Variants in SCUBE1 observed in about 807,000 individuals in gnomAD.
The protein encoded by SCUBE1 is signal peptide, CUB domain and EGF like domain containing 1, also known as signal peptide, CUB and EGF-like domain-containing protein 1.
In SCUBE1, 59 loss-of-function variants were observed where a neutral mutation model predicts 124.4. The observed-to-expected ratio is 0.47, with a 90% CI of 0.38 to 0.59. The LOEUF (loss-of-function observed/expected upper bound fraction) is 0.59. Ranked by LOEUF, SCUBE1 falls within the 20% of genes least tolerant of loss-of-function variation. SCUBE1 has a pLI of 0.00. For synonymous variants in SCUBE1, 545 were observed against 550.9 expected (o/e 0.99, Z 0.15); for missense variants, 1,150 against 1,371.2 (o/e 0.84, Z 2.55).
chr22:43,259,321 T>C (rs938415716), intron 5 of SCUBE1, among the ~76,000 whole-genome samples: 1 of 152,216 alleles, frequency 6.6e-6, no homozygotes, highest in Non-Finnish European at 1.5e-5. Flanking sequence ...TCTTGGATAC[T>C]TTAACCATCT....
At position 43,255,622 on chromosome 22, in the gene SCUBE1, C is replaced by A; in HGVS notation, c.727+2597G>T. On this transcript the variant is annotated intron_variant, in intron 6 of 21. Transcript: ENST00000360835. This position sits in a 1 kb window ranked among gnomAD's most constrained non-coding sequence, Gnocchi z 4.7. Reference sequence around the variant, plus strand: ...CAAACACGGAGCCAGTGGTTAATGACAGCCCACTTCCCGCGGCCCAAGACA... The same window carrying A: ...CAAACACGGAGCCAGTGGTTAATGAAAGCCCACTTCCCGCGGCCCAAGACA... 4 of 1,487,224 alleles carry A rather than the reference C, an allele frequency of 2.7e-6. No individual in the cohort carries two copies. Among genetic ancestry groups the A allele is most frequent in the Non-Finnish European group, 3.7e-6 (4 of 1,090,422 alleles). The allele number at this position is 1,487,224 out of a possible 1,614,324, so 92.1% of individuals were successfully genotyped here. A position where few individuals can be genotyped will look rare whatever the true frequency, so the allele number is the denominator to read the frequency against.
Position 43,343,163 on chromosome 22 carries a change from C to CG in SCUBE1, c.88+10dup. ...CGCGCCCGCCGCCCCCCACCTCGGT[C>CG]GGGGGCTTACCTGGGAGCCCGCTGC... On this transcript the variant is annotated intron_variant, in intron 1 of 21. Transcript: ENST00000360835. 8.7e-7 allele frequency: 1 copy of CG among 1,155,256 alleles called. No homozygotes were observed. Among genetic ancestry groups the CG allele is most frequent in the Non-Finnish European group, 1.1e-6 (1 of 940,360 alleles). The allele number at this position is 1,155,256 out of a possible 1,614,324, so 71.6% of individuals were successfully genotyped here.
At chr22:43,285,839 G>A (rs144561194) in intron 4 of SCUBE1, among the ~76,000 whole-genome samples, 92 of 152,362 alleles carry the variant, frequency 6.0e-4, no homozygotes, top group African/African-American at 2.2e-3. Context: ...GAGCTCAGCC[G>A]ATGAATGAGG....
intron 15 of SCUBE1, among the ~76,000 whole-genome samples, chr22:43,216,693 C>T (rs1921825533): frequency 6.6e-6 from 1 of 151,896 alleles, no homozygotes; most frequent in Non-Finnish European, 1.5e-5. Flanking sequence ...TAGAAGATGA[C>T]ATCACCAAGC....
At chr22:43,227,792 A>G (rs550439647) in intron 9 of SCUBE1, among the ~76,000 whole-genome samples, 39 of 152,220 alleles carry the variant, frequency 2.6e-4, no homozygotes, top group African/African-American at 8.7e-4. Flanking sequence ...TTCCAACCCA[A>G]CCAGGTTTTG....
At chr22:43,290,005 T>A (rs1222415750) in intron 4 of SCUBE1, among the ~76,000 whole-genome samples, 1 of 152,192 alleles carries the variant, frequency 6.6e-6, no homozygotes, top group Non-Finnish European at 1.5e-5. Flanking sequence ...AATGGGGGCG[T>A]GCCTGAACTG....
At chr22:43,221,100 G>T (rs1922071685) in intron 13 of SCUBE1, 73 bp downstream of exon 13, 7 of 1,212,816 alleles carry the variant, frequency 5.8e-6, no homozygotes, top group Non-Finnish European at 8.3e-6. Context: ...GGACCCTGGG[G>T]CCCCAGCTCC....
intron 20 of SCUBE1, 62 bp downstream of exon 20, chr22:43,208,009 CT>C (rs1921367804): frequency 1.3e-6 from 2 of 1,582,466 alleles, no homozygotes; most frequent in African/African-American, 2.7e-5. Context: ...TGCGACTCAT[CT>C]CTGTGTCTCC....
chr22:43,198,917 G>A lies in SCUBE1; in HGVS notation c.*5080C>T. 1 of 372,090 alleles carries A rather than the reference G, an allele frequency of 2.7e-6. No homozygotes were observed. The highest frequency in any genetic ancestry group is 3.4e-5 in the Admixed American group (1 of 29,252). The allele number at this position is 372,090 out of a possible 1,614,324, so 23.0% of individuals were successfully genotyped here. On this transcript the variant is annotated 3_prime_UTR_variant, in exon 22 of 22. Transcript: ENST00000360835. ...GCTTTCCGGGGCAGTTTGTCTGTCT[G>A]CTGTCTGGGGCAGTTTGTCTGTCTG...
chr22:43,258,109 C>T lies in SCUBE1; in HGVS notation c.727+110G>A. ...CTTGCCTTTCCTTGTTTCCCTGAAG[C>T]TTCCTTCCGGGGAACCCGGACGTGG... On this transcript the variant is annotated intron_variant, in intron 6 of 21. Transcript: ENST00000360835. The surrounding 1 kb of genome is among the most constrained non-coding windows in gnomAD (Gnocchi z 5.0). 1 of 819,794 alleles carries T rather than the reference C, an allele frequency of 1.2e-6. No individual in the cohort carries two copies. Among genetic ancestry groups the T allele is most frequent in the South Asian group, 1.4e-5 (1 of 70,032 alleles). The allele number at this position is 819,794 out of a possible 1,614,324, so 50.8% of individuals were successfully genotyped here. A position where few individuals can be genotyped will look rare whatever the true frequency, so the allele number is the denominator to read the frequency against.
intron 2 of SCUBE1, among the ~76,000 whole-genome samples, chr22:43,334,082 C>T (rs1229630188): frequency 1.3e-5 from 2 of 152,216 alleles, no homozygotes; most frequent in African/African-American, 4.8e-5. Context: ...ACTCCAACCC[C>T]AGCCTTGGCA....
intron 8 of SCUBE1, among the ~76,000 whole-genome samples, chr22:43,229,418 T>C (rs1337464010): frequency 6.6e-6 from 1 of 152,234 alleles, no homozygotes; most frequent in Admixed American, 6.5e-5. Flanking sequence ...ACGTCTTTTC[T>C]GGAGACGAGC....
intron 4 of SCUBE1, among the ~76,000 whole-genome samples, chr22:43,269,367 A>G (rs972474178): frequency 1.3e-5 from 2 of 152,158 alleles, no homozygotes; most frequent in Non-Finnish European, 2.9e-5. Context: ...GCCAGTGCGT[A>G]CATCACATCC....
Position 43,210,937 on chromosome 22 carries a change from C to T in SCUBE1, c.2368G>A (p.Val790Ile), listed in dbSNP as rs201254080. 1.3e-4 allele frequency: 209 copies of T among 1,613,928 alleles called. No homozygotes were observed. Among genetic ancestry groups the T allele is most frequent in the Non-Finnish European group, 1.7e-4 (196 of 1,179,982 alleles). ...TSTDFDGSTN[V>I]THCKNQHCGG... is the part of the protein sequence containing the mutation. Reference sequence around the variant, plus strand: ...CAGCACCCACTTTTGCAGTGTGTGACGTTGGTGGAGCCATCGAAGTCTGTG... The same window carrying T: ...CAGCACCCACTTTTGCAGTGTGTGATGTTGGTGGAGCCATCGAAGTCTGTG... The change falls in exon 18 of 22, where the codon GTC (valine) becomes ATC (isoleucine). Residue 790 changes from valine to isoleucine, a missense_variant. Physicochemically the swap from Val to Ile is conservative, Grantham distance 29 (BLOSUM62 3). Transcript: ENST00000360835. This position sits in a 1 kb window ranked among gnomAD's most constrained non-coding sequence, Gnocchi z 4.5.
intron 4 of SCUBE1, among the ~76,000 whole-genome samples, chr22:43,272,042 G>C (rs1034566902): frequency 2.6e-5 from 4 of 152,144 alleles, no homozygotes; most frequent in African/African-American, 7.2e-5. Context: ...AGGGGTTCTA[G>C]CCCCTCCATT....
At chr22:43,305,023 G>C (rs1300652773) in intron 3 of SCUBE1, among the ~76,000 whole-genome samples, 3 of 152,202 alleles carry the variant, frequency 2.0e-5, no homozygotes, top group Non-Finnish European at 4.4e-5. Context: ...GAGCATTGGG[G>C]CATTCTTGCT....
Position 43,221,518 on chromosome 22 carries a change from C to T in SCUBE1, c.1433-229G>A, listed in dbSNP as rs1315415652. ...ATGGATGGTGGGGTCAAGCTCAAGC[C>T]CAGGGGCCACCCGCCAGAGGTCTTC... is the stretch of plus-strand genomic sequence containing the variant. On this transcript the variant is annotated intron_variant, in intron 12 of 21. Coordinates refer to ENST00000360835, the MANE Select transcript of SCUBE1 (RefSeq NM_173050.5). Among the ~76,000 whole-genome samples the T allele has an allele frequency of 3.3e-5, 5 of 152,086 alleles. No homozygotes were observed. The East Asian group carries it at 9.7e-4, about 30-fold the overall frequency.
chr22:43,209,990 G>C (rs1043707211), intron 19 of SCUBE1, 53 bp downstream of exon 19: 2 of 1,520,020 alleles, frequency 1.3e-6, no homozygotes, highest in African/African-American at 1.4e-5. Flanking sequence ...GCAGCGAGAC[G>C]GGGGTGCACA....
chr22:43,206,740 G>A (rs1601792261), intron 21 of SCUBE1, among the ~76,000 whole-genome samples: 1 of 152,204 alleles, frequency 6.6e-6, no homozygotes, highest in Non-Finnish European at 1.5e-5. Flanking sequence ...TGTGTCCCCA[G>A]AGCAGTGTCA....
Sources: gnomAD v4.1 joint callset for allele counts (sites outside exome capture counted in the v4.1 genomes callset) on GRCh38, gnomAD v4.1.1 for gene constraint, Gnocchi (gnomAD v3.1) non-coding constraint, MANE v1.5 for transcripts, NCBI Gene and HGNC (gene_info 2026-07-23, HGNC 2026-07-21) for gene names.